DPH6: variants seen among roughly 807,000 people sequenced by gnomAD.
DPH6 encodes diphthamine biosynthesis 6, also known as diphthine--ammonia ligase.
In DPH6, 33 loss-of-function variants were observed where a neutral mutation model predicts 38.2. That is an observed-to-expected ratio of 0.86 (90% CI 0.65 to 1.15). DPH6 has a LOEUF of 1.15. DPH6 is among the 50% of genes most tolerant of loss of function. The pLI is 0.00. For synonymous variants in DPH6, 108 were observed against 103.0 expected, an observed-to-expected ratio of 1.05 and a Z score of -0.30; for missense variants, 325 against 320.0, an observed-to-expected ratio of 1.02 and a Z score of -0.12.
intron 5 of DPH6, among the ~76,000 whole-genome samples, chr15:35,429,689 T>C (rs995395046): frequency 3.9e-5 from 6 of 152,130 alleles, no homozygotes; most frequent in Non-Finnish European, 8.8e-5. Context: ...CACATTTTTA[T>C]AGATATACAG....
At chr15:35,444,870 TAATGGTCCTCAA>T (rs2053831772) in intron 5 of DPH6, among the ~76,000 whole-genome samples, 1 of 129,916 alleles carries the variant, frequency 7.7e-6, no homozygotes, top group South Asian at 3.2e-4. Context: ...ATGATATTAG[TAATGGTCCTCAA>T]GACCATTACT....
At chr15:35,347,988 GATT>G (rs977859778) in intron 3 of DPH6, among the ~76,000 whole-genome samples, 46 of 152,012 alleles carry the variant, frequency 3.0e-4, no homozygotes, top group African/African-American at 6.8e-4. Context: ...TTTAAAATTA[GATT>G]ATTATTATTT....
intron 3 of DPH6, among the ~76,000 whole-genome samples, chr15:35,324,743 T>C (rs2052268601): frequency 6.6e-6 from 1 of 152,092 alleles, no homozygotes; most frequent in Admixed American, 6.5e-5. Flanking sequence ...AAAAGAGGCA[T>C]GAGGCATTGA....
At chr15:35,333,779 T>C (rs994455609) in intron 3 of DPH6, among the ~76,000 whole-genome samples, 1 of 152,146 alleles carries the variant, frequency 6.6e-6, no homozygotes, top group Non-Finnish European at 1.5e-5. Flanking sequence ...ACTGAGTATA[T>C]ATGTGAAGGA....
At chr15:35,443,194 A>T (rs1208828471) in intron 5 of DPH6, among the ~76,000 whole-genome samples, 1 of 152,206 alleles carries the variant, frequency 6.6e-6, no homozygotes, top group Non-Finnish European at 1.5e-5. Context: ...AAATTATATC[A>T]TCAGTAGTGG....
intron 3 of DPH6, among the ~76,000 whole-genome samples, chr15:35,473,820 A>G (rs1314314758): frequency 1.3e-5 from 2 of 152,112 alleles, no homozygotes; most frequent in Non-Finnish European, 2.9e-5. Flanking sequence ...GGACTACTAC[A>G]CAACAATTAA....
At chr15:35,344,413 G>A (rs962952463) in intron 3 of DPH6, among the ~76,000 whole-genome samples, 3 of 151,838 alleles carry the variant, frequency 2.0e-5, no homozygotes, top group African/African-American at 7.2e-5. Flanking sequence ...CCTGAATAAG[G>A]AATGTCTCCA....
the DPH6 span, among the ~76,000 whole-genome samples, chr15:35,195,955 C>T: frequency 6.6e-6 from 1 of 152,042 alleles, no homozygotes; most frequent in Non-Finnish European, 1.5e-5. Context: ...GACAAAAGAA[C>T]TTACAAGTGT....
chr15:35,245,802 G>C (rs557472693), intron 3 of DPH6, among the ~76,000 whole-genome samples: 8 of 152,070 alleles, frequency 5.3e-5, no homozygotes, highest in Non-Finnish European at 1.0e-4. Flanking sequence ...ATAATTTACA[G>C]TGTTACCTAT....
chr15:35,532,556 G>A (rs2055104035), intron 3 of DPH6, among the ~76,000 whole-genome samples: 1 of 152,040 alleles, frequency 6.6e-6, no homozygotes, highest in Non-Finnish European at 1.5e-5. Flanking sequence ...TAGATGATGA[G>A]GTAAATGATG....
intron 3 of DPH6, among the ~76,000 whole-genome samples, chr15:35,469,647 G>A (rs1057107780): frequency 6.6e-6 from 1 of 152,182 alleles, no homozygotes; most frequent in Non-Finnish European, 1.5e-5. Context: ...ACATGGGGAA[G>A]ATGTTGAGTG....
At chr15:35,390,659 C>A (rs2140957226) in intron 6 of DPH6, among the ~76,000 whole-genome samples, 1 of 152,300 alleles carries the variant, frequency 6.6e-6, no homozygotes, top group East Asian at 1.9e-4. Context: ...GTGCATTTGT[C>A]ACGTAGTTCT....
intron 3 of DPH6, among the ~76,000 whole-genome samples, chr15:35,504,656 C>G (rs1233427303): frequency 1.3e-5 from 2 of 151,992 alleles, no homozygotes; most frequent in African/African-American, 2.4e-5. Flanking sequence ...GGATGCAGCT[C>G]TTCTTTAATA....
At chr15:35,495,368 G>A (rs1261220592) in intron 3 of DPH6, among the ~76,000 whole-genome samples, 1 of 152,156 alleles carries the variant, frequency 6.6e-6, no homozygotes. Flanking sequence ...AGAGGCCTCA[G>A]AATGAAACCA....
rs74842466 is a variant in DPH6 at position 35,522,002 on chromosome 15, G to A, written c.312+16272C>T. ...CTAAGCCGTCAACTACCAGCAAGCAGAATGAAAAACAGGGACAGATCAGCA... is the reference window on the plus strand; with the variant it reads ...CTAAGCCGTCAACTACCAGCAAGCAAAATGAAAAACAGGGACAGATCAGCA... On this transcript the variant is annotated intron_variant, in intron 3 of 8. Transcript: ENST00000256538. 57 of 1,495,170 alleles carry A rather than the reference G, an allele frequency of 3.8e-5. 1 individual carries two copies. The East Asian group carries it at 7.5e-4, about 20-fold the overall frequency. The allele number at this position is 1,495,170 out of a possible 1,614,324, so 92.6% of individuals were successfully genotyped here.
chr15:35,538,040 C>T (rs1475377536), intron 3 of DPH6: 3 of 302,692 alleles, frequency 9.9e-6, no homozygotes, highest in Non-Finnish European at 1.2e-5. Context: ...ATTTTAATAT[C>T]ATTTGATAAT....
chr15:35,532,320 G>A (rs1267745349), intron 3 of DPH6, among the ~76,000 whole-genome samples: 2 of 152,190 alleles, frequency 1.3e-5, no homozygotes, highest in Non-Finnish European at 1.5e-5. Context: ...TAGACGAGGT[G>A]GATGGAGCAT....
chr15:35,395,202 T>C (rs1389311670), intron 6 of DPH6, among the ~76,000 whole-genome samples: 1 of 152,198 alleles, frequency 6.6e-6, no homozygotes, highest in Non-Finnish European at 1.5e-5. Flanking sequence ...TAATTTCTTT[T>C]TCAATCTTCC....
chr15:35,249,016 A>G (rs910714384), intron 3 of DPH6, among the ~76,000 whole-genome samples: 1 of 152,230 alleles, frequency 6.6e-6, no homozygotes, highest in African/African-American at 2.4e-5. Context: ...AAACATGGAG[A>G]GATTGCAGGA....
Sources: allele counts gnomAD v4.1 joint callset (sites outside exome capture counted in the v4.1 genomes callset), GRCh38; gene constraint gnomAD v4.1.1; transcripts MANE v1.5; gene names NCBI Gene and HGNC (gene_info 2026-07-23, HGNC 2026-07-21).